Variants in TYK2 observed in about 807,000 individuals in gnomAD.
The protein encoded by TYK2 is non-receptor tyrosine-protein kinase TYK2.
A neutral mutation model predicts 130.9 loss-of-function variants in TYK2; 65 were observed. That is an observed-to-expected ratio of 0.50 (90% confidence interval 0.41 to 0.61). The LOEUF (loss-of-function observed/expected upper bound fraction) is 0.61. TYK2 is among the 20% of genes least tolerant of loss of function. The pLI is 0.00. For missense variants in TYK2, 1,378 were observed against 1,610.7 expected, an observed-to-expected ratio of 0.86 and a Z score of 2.47; for synonymous variants, 647 against 658.9, an observed-to-expected ratio of 0.98 and a Z score of 0.28.
intron 10 of TYK2, 31 bp downstream of exon 10, chr19:10,362,518 C>T: frequency 6.4e-7 from 1 of 1,555,582 alleles, no homozygotes; most frequent in Non-Finnish European, 8.7e-7. Context: ...ACGTGTCCAG[C>T]CCCAGCCCCA....
intron 3 of TYK2, among the ~76,000 whole-genome samples, chr19:10,372,602 C>A (rs2041967203): frequency 6.7e-6 from 1 of 149,046 alleles, no homozygotes; most frequent in African/African-American, 2.5e-5. Context: ...CCCACCTCAG[C>A]CTCCTGAGTA....
At chr19:10,373,908 A>G (rs2042012838) in intron 3 of TYK2, among the ~76,000 whole-genome samples, 1 of 152,044 alleles carries the variant, frequency 6.6e-6, no homozygotes, top group Non-Finnish European at 1.5e-5. Context: ...CCGGGCCTCC[A>G]TGCATGCTGT....
At chr19:10,372,296 GTT>G (rs776320771) in intron 3 of TYK2, among the ~76,000 whole-genome samples, 8 of 129,920 alleles carry the variant, frequency 6.2e-5, no homozygotes, top group African/African-American at 1.1e-4. Context: ...CCCGGCCTGG[GTT>G]TTTTTTTTTT....
intron 23 of TYK2, among the ~76,000 whole-genome samples, chr19:10,351,882 G>A (rs776850066): frequency 6.6e-6 from 1 of 151,970 alleles, no homozygotes; most frequent in Non-Finnish European, 1.5e-5. Context: ...TGGGATTACA[G>A]GCACCTGCCA....
At chr19:10,378,836 TC>T in intron 2 of TYK2, among the ~76,000 whole-genome samples, 1 of 16,692 alleles carries the variant, frequency 6.0e-5, no homozygotes, top group East Asian at 2.0e-3. Context: ...TTATTTTATA[TC>T]TTATCTTATC....
chr19:10,364,930 A>T lies in TYK2; in HGVS notation c.1130T>A (p.Phe377Tyr). 1 of 1,614,224 alleles carries T rather than the reference A, an allele frequency of 6.2e-7. No homozygotes were observed. The highest frequency in any genetic ancestry group is 8.5e-7 in the Non-Finnish European group (1 of 1,180,028). The change falls in exon 8 of 25, where the codon TTC becomes TAC. Residue 377 changes from phenylalanine to tyrosine, a missense_variant. Coordinates refer to ENST00000525621, the MANE Select transcript of TYK2 (RefSeq NM_003331.5). This position sits in a 1 kb window ranked among gnomAD's most constrained non-coding sequence, Gnocchi z 4.9. ...GTGGGTGATGTCCCGGAAGTCACAGAAGTAGGCCCACAGTGGCTCCCGCGG... is the reference window on the plus strand; with the variant it reads ...GTGGGTGATGTCCCGGAAGTCACAGTAGTAGGCCCACAGTGGCTCCCGCGG... ...DRPREPLWAYFCDFRDITHVV... is the reference protein window; with the variant it reads ...DRPREPLWAYYCDFRDITHVV...
Position 10,350,921 on chromosome 19 carries a change from G to T in TYK2, c.3477C>A (p.Arg1159=), listed in dbSNP as rs2040768270. Residue 1159 remains arginine (R), a synonymous_variant, in exon 25 of 25, where the codon CGC becomes CGA. Coordinates refer to ENST00000525621, the MANE Select transcript of TYK2 (RefSeq NM_003331.5). ...KNCWETEASF[R]PTFENLIPIL... is the part of the protein sequence containing the mutation. ...TGGGTATGAGGTTCTCGAAGGTTGG[G>T]CGAAAGGACGCCTCTGTCTCCCAGC... 6.2e-7 allele frequency: 1 copy of T among 1,614,084 alleles called. No individual in the cohort carries two copies. Among genetic ancestry groups the T allele is most frequent in the Admixed American group, 1.7e-5 (1 of 59,996 alleles).
In TYK2 at chr19:10,364,809, G is replaced by A. The variant is rs2041578627; in HGVS notation, c.1210-38C>T. The A allele has an allele frequency of 6.2e-7, 1 of 1,613,842 alleles. No homozygotes were observed. Among genetic ancestry groups the A allele is most frequent in the Non-Finnish European group, 8.5e-7 (1 of 1,180,048 alleles). Reference sequence around the variant, plus strand: ...GGCGCATCAGGTGGGTGTCCTCCCAGGCCATGATGGGCCCTAGCCCAGCCC... The same window carrying A: ...GGCGCATCAGGTGGGTGTCCTCCCAAGCCATGATGGGCCCTAGCCCAGCCC... On this transcript the variant is annotated intron_variant, in intron 8 of 24. Coordinates refer to ENST00000525621, the MANE Select transcript of TYK2 (RefSeq NM_003331.5). This position sits in a 1 kb window ranked among gnomAD's most constrained non-coding sequence, Gnocchi z 4.9.
chr19:10,376,277 T>G (rs2042118994), intron 3 of TYK2, among the ~76,000 whole-genome samples: 1 of 96,628 alleles, frequency 1.0e-5, no homozygotes. Context: ...CCTCTGAAAG[T>G]GTTGGGATTA....
Position 10,362,381 on chromosome 19 carries a change from C to T in TYK2, c.1552G>A (p.Gly518Ser), listed in dbSNP as rs1189096779. The T allele has an allele frequency of 6.2e-7, 1 of 1,614,012 alleles. No individual in the cohort carries two copies. Among genetic ancestry groups the T allele is most frequent in the South Asian group, 1.1e-5 (1 of 91,072 alleles). The change falls in exon 11 of 25, where the codon GGC becomes AGC. Residue 518 changes from glycine to serine, a missense_variant. Transcript: ENST00000525621. ...EQQDGAFVLE[G>S]WGRSFPSVRE... ...ACGCTGGGGAAGGACCGGCCCCAGC[C>T]CTCCAGCACGAAGGCCCCGTCCTGC...
At position 10,358,002 on chromosome 19, in the gene TYK2, CCCTCCCTGG is replaced by C. The variant is rs869320745; in HGVS notation, c.2303_2311del (p.Ser768_Glu771delinsTer). 6.2e-7 allele frequency: 1 copy of C among 1,613,496 alleles called. No individual in the cohort carries two copies. The highest frequency in any genetic ancestry group is 8.5e-7 in the Non-Finnish European group (1 of 1,180,022). On this transcript the variant is annotated stop_gained and inframe_deletion and splice_region_variant, in exon 16 of 25. Coordinates refer to ENST00000525621, the MANE Select transcript of TYK2 (RefSeq NM_003331.5). LOFTEE classifies it high-confidence loss of function. The stretch of plus-strand genomic sequence containing the variant: ...GTGCCCAGGTCCCCTCAGGTACTCA[CCCTCCCTGG>C]AGAGGGCGCCCAGGCCCACGCCAGG...
intron 2 of TYK2, 133 bp from the exon 3 acceptor site, chr19:10,378,559 C>A: frequency 1.4e-6 from 1 of 700,114 alleles, no homozygotes; most frequent in Non-Finnish European, 2.4e-6. Context: ...ACATTAGAGA[C>A]CCGATTCCCT....
intron 14 of TYK2, among the ~76,000 whole-genome samples, chr19:10,359,984 C>T (rs2041315202): frequency 6.6e-6 from 1 of 150,712 alleles, no homozygotes. Flanking sequence ...GCACTCCAGC[C>T]TGGGCGATAG....
intron 9 of TYK2, 82 bp from the exon 10 acceptor site, chr19:10,362,739 A>G (rs2041473249): frequency 8.4e-7 from 1 of 1,189,782 alleles, no homozygotes; most frequent in African/African-American, 1.5e-5. Context: ...CTCATTACCT[A>G]CTTAGAGGGC....
chr19:10,378,833 A>ATATCTTATCTTATCTTATCTTATCT (rs58371844), intron 2 of TYK2, among the ~76,000 whole-genome samples: 26 of 148,916 alleles, frequency 1.7e-4, no homozygotes, highest in Admixed American at 1.0e-3. Flanking sequence ...GTTTTATTTT[A>ATATCTTATCTTATCTTATCTTATCT]TATCTTATCT....
At chr19:10,359,879 C>T (rs1483881102) in intron 14 of TYK2, among the ~76,000 whole-genome samples, 2 of 151,996 alleles carry the variant, frequency 1.3e-5, no homozygotes, top group Non-Finnish European at 2.9e-5. Context: ...ATTAGCCAGG[C>T]ATGGTGGTGG....
At chr19:10,369,595 G>A (rs549277698) in intron 3 of TYK2, among the ~76,000 whole-genome samples, 118 of 152,084 alleles carry the variant, frequency 7.8e-4, no homozygotes, top group African/African-American at 2.7e-3. Flanking sequence ...AAACAGATCG[G>A]TCACCAAGAC....
At chr19:10,357,001 A>C in intron 17 of TYK2, 1 of 510,846 alleles carries the variant, frequency 2.0e-6, no homozygotes, top group Non-Finnish European at 3.6e-6. Context: ...CAGCTCCTTA[A>C]TACACTGAAG....
Position 10,365,061 on chromosome 19 carries a change from C to A in TYK2, c.1012-13G>T. 1 of 1,596,066 alleles carries A rather than the reference C, an allele frequency of 6.3e-7. No individual in the cohort carries two copies. The highest frequency in any genetic ancestry group is 8.5e-7 in the Non-Finnish European group (1 of 1,169,608). On this transcript the variant is annotated splice_polypyrimidine_tract_variant and intron_variant, in intron 7 of 24. Coordinates refer to ENST00000525621, the MANE Select transcript of TYK2 (RefSeq NM_003331.5). ...TGCCACTAGAACCCTGAACACCCAG[C>A]AAGTGGGGCAGAGGATGGAGAGGGC...
Sources: allele counts gnomAD v4.1 joint callset (sites outside exome capture counted in the v4.1 genomes callset), GRCh38; gene constraint gnomAD v4.1.1; non-coding constraint Gnocchi (gnomAD v3.1); transcripts MANE v1.5; gene names NCBI Gene and HGNC (gene_info 2026-07-23, HGNC 2026-07-21).